The following VDAC1 variants were observed in gnomAD, a reference collection of about 807,000 sequenced individuals.
VDAC1 encodes voltage dependent anion channel 1, also known as non-selective voltage-gated ion channel VDAC1.
VDAC1 carries 10 observed loss-of-function variants against 34.7 expected under a neutral mutation model. The observed-to-expected ratio is 0.29, with a 90% CI of 0.18 to 0.49. VDAC1 has a LOEUF of 0.49. Among genes scored for constraint, VDAC1 ranks in the 20% least tolerant of loss-of-function variants. The pLI is 0.99. For synonymous variants in VDAC1, 130 were observed against 136.0 expected, an observed-to-expected ratio of 0.96 and a Z score of 0.30; for missense variants, 230 against 347.9, an observed-to-expected ratio of 0.66 and a Z score of 2.69.
chr5:134,058,833 G>A, the VDAC1 span, among the ~76,000 whole-genome samples: 1 of 152,130 alleles, frequency 6.6e-6, no homozygotes, highest in African/African-American at 2.4e-5. Flanking sequence ...GCACTCCAAG[G>A]CCTCTCCACA....
At chr5:134,053,380 T>C in the VDAC1 span, among the ~76,000 whole-genome samples, 1 of 152,190 alleles carries the variant, frequency 6.6e-6, no homozygotes, top group Non-Finnish European at 1.5e-5. Context: ...CCACCATGCC[T>C]GGGGATACTC....
the VDAC1 span, among the ~76,000 whole-genome samples, chr5:134,112,810 A>C: frequency 6.6e-6 from 1 of 152,214 alleles, no homozygotes; most frequent in East Asian, 1.9e-4. Context: ...AACAAAAAGA[A>C]CCTCACTGTT....
rs1409192520 is a variant in VDAC1 at position 134,004,895 on chromosome 5, C to G, written c.-7G>C. The stretch of plus-strand genomic sequence containing the variant: ...TCCCGCTAGCGAGCCGCGTTCTTAC[C>G]CTTCCGGGCCCCGCTGCCCCGGCAG... On this transcript the variant is annotated splice_region_variant and 5_prime_UTR_variant, in exon 1 of 9. Coordinates refer to ENST00000265333, the MANE Select transcript of VDAC1 (RefSeq NM_003374.3). 1 of 151,994 alleles carries G rather than the reference C, an allele frequency of 6.6e-6. No homozygotes were observed. Among genetic ancestry groups the G allele is most frequent in the Non-Finnish European group, 1.5e-5 (1 of 67,976 alleles). 9.4% of individuals were successfully genotyped at this position (151,994 alleles called of 1,614,324 possible). A position where few individuals can be genotyped will look rare whatever the true frequency, so the allele number is the denominator to read the frequency against.
At chr5:134,072,197 A>G in the VDAC1 span, among the ~76,000 whole-genome samples, 1 of 152,266 alleles carries the variant, frequency 6.6e-6, no homozygotes, top group Admixed American at 6.5e-5. Context: ...CACCTACTAT[A>G]TATTAGATGT....
At chr5:134,067,428 TAAA>T in the VDAC1 span, among the ~76,000 whole-genome samples, 5 of 96,812 alleles carry the variant, frequency 5.2e-5, no homozygotes, top group Admixed American at 2.5e-4. Flanking sequence ...TTACATATTC[TAAA>T]AAAAAAAAAA....
chr5:134,105,175 C>G, the VDAC1 span, among the ~76,000 whole-genome samples: 2 of 152,172 alleles, frequency 1.3e-5, no homozygotes, highest in Non-Finnish European at 2.9e-5. Flanking sequence ...CTCTGCAGCC[C>G]CAGGCTCTGT....
At chr5:134,069,987 T>C in the VDAC1 span, among the ~76,000 whole-genome samples, 2 of 151,842 alleles carry the variant, frequency 1.3e-5, no homozygotes, top group African/African-American at 2.4e-5. Context: ...ACAAATACCA[T>C]GGCAACATCA....
the VDAC1 span, among the ~76,000 whole-genome samples, chr5:134,059,723 A>AC: frequency 1.3e-5 from 2 of 149,730 alleles, no homozygotes; most frequent in African/African-American, 2.4e-5. Context: ...CACACCCTAT[A>AC]CCCCCCACCT....
chr5:134,091,430 G>A, the VDAC1 span, among the ~76,000 whole-genome samples: 4 of 152,156 alleles, frequency 2.6e-5, no homozygotes, highest in Non-Finnish European at 5.9e-5. Flanking sequence ...GGCAGATGGG[G>A]AAAGTTCTTC....
chr5:134,101,964 C>T, the VDAC1 span, among the ~76,000 whole-genome samples: 1 of 152,358 alleles, frequency 6.6e-6, no homozygotes, highest in East Asian at 1.9e-4. Context: ...AGGCCAGCTT[C>T]GGAGTCCAGG....
the VDAC1 span, among the ~76,000 whole-genome samples, chr5:134,091,322 C>T: frequency 3.6e-3 from 553 of 152,270 alleles, 3 homozygotes; most frequent in Middle Eastern, 0.014. Context: ...ACTATTCCAA[C>T]GTAGGGTAAC....
chr5:134,078,647 C>CTTT, the VDAC1 span, among the ~76,000 whole-genome samples: 5,008 of 118,164 alleles, frequency 0.042, 532 homozygotes, highest in African/African-American at 0.15. Context: ...CCTCAAGCAT[C>CTTT]TTTTTTTTTT....
intron 1 of VDAC1, among the ~76,000 whole-genome samples, chr5:134,003,509 T>C (rs1753639362): frequency 6.6e-6 from 1 of 152,226 alleles, no homozygotes; most frequent in African/African-American, 2.4e-5. Flanking sequence ...AGATTTTTCA[T>C]AAATTAAGCT....
the VDAC1 span, among the ~76,000 whole-genome samples, chr5:134,073,051 C>A: frequency 2.1e-4 from 32 of 152,286 alleles, no homozygotes; most frequent in South Asian, 4.6e-3. Flanking sequence ...CAGGCTATGT[C>A]AAGAGTCAAG....
the VDAC1 span, among the ~76,000 whole-genome samples, chr5:134,033,971 A>G: frequency 3.6e-4 from 54 of 152,096 alleles, no homozygotes; most frequent in Admixed American, 1.0e-3. Context: ...CAGCCTGGGC[A>G]ACAGAGCGAG....
the VDAC1 span, among the ~76,000 whole-genome samples, chr5:134,015,647 C>T: frequency 3.8e-4 from 57 of 150,226 alleles, no homozygotes; most frequent in African/African-American, 1.3e-3. Context: ...TTTTTTGAAT[C>T]ACTTTTTTAT....
the VDAC1 span, among the ~76,000 whole-genome samples, chr5:134,015,396 C>T: frequency 2.0e-5 from 3 of 152,098 alleles, no homozygotes; most frequent in Admixed American, 2.0e-4. Flanking sequence ...AATAAAGTGC[C>T]ATCTATGAAC....
At chr5:134,055,502 C>G in the VDAC1 span, among the ~76,000 whole-genome samples, 1 of 151,592 alleles carries the variant, frequency 6.6e-6, no homozygotes, top group Non-Finnish European at 1.5e-5. Flanking sequence ...TCACTGCAAG[C>G]TCCGCCACCC....
intron 3 of VDAC1, among the ~76,000 whole-genome samples, chr5:133,991,835 G>C (rs1418272294): frequency 1.3e-5 from 2 of 151,386 alleles, no homozygotes; most frequent in Non-Finnish European, 3.0e-5. Context: ...TCCATACAAT[G>C]GTCACTATTT....
Sources: allele counts gnomAD v4.1 joint callset (sites outside exome capture counted in the v4.1 genomes callset), GRCh38; gene constraint gnomAD v4.1.1; transcripts MANE v1.5; gene names NCBI Gene and HGNC (gene_info 2026-07-23, HGNC 2026-07-21).